ZFYVE9: variants seen among roughly 807,000 people sequenced by gnomAD.
ZFYVE9 encodes the protein zinc finger FYVE domain-containing protein 9.
A neutral mutation model predicts 126.7 loss-of-function variants in ZFYVE9; 43 were observed. That is an observed-to-expected ratio of 0.34 (90% CI 0.27 to 0.44). The LOEUF (loss-of-function observed/expected upper bound fraction) is 0.44. Among genes scored for constraint, ZFYVE9 ranks in the 20% least tolerant of loss-of-function variants. ZFYVE9 has a pLI of 1.00. For missense variants in ZFYVE9, 1,476 were observed against 1,697.0 expected (o/e 0.87, Z 2.29); for synonymous variants, 521 against 597.4 (o/e 0.87, Z 1.87).
intron 1 of ZFYVE9, among the ~76,000 whole-genome samples, chr1:52,205,270 T>C (rs1332741002): frequency 6.6e-6 from 1 of 151,942 alleles, no homozygotes; most frequent in Non-Finnish European, 1.5e-5. Flanking sequence ...CGATAGGGTT[T>C]TGCAAAGTGG....
intron 2 of ZFYVE9, among the ~76,000 whole-genome samples, chr1:52,230,012 C>T (rs1412948773): frequency 6.6e-6 from 1 of 152,024 alleles, no homozygotes; most frequent in East Asian, 1.9e-4. Flanking sequence ...GGACTACAGG[C>T]GCTTGCCACC....
chr1:52,259,436 A>G (rs1557486137), intron 4 of ZFYVE9, among the ~76,000 whole-genome samples: 1 of 152,132 alleles, frequency 6.6e-6, no homozygotes, highest in East Asian at 1.9e-4. Flanking sequence ...GAAAAAACTA[A>G]TCAAAATAAA....
chr1:52,322,217 C>T (rs1646247118), intron 13 of ZFYVE9, among the ~76,000 whole-genome samples: 1 of 152,150 alleles, frequency 6.6e-6, no homozygotes. Flanking sequence ...TCAGGAAATT[C>T]TGCTGCCTCT....
chr1:52,281,511 A>G (rs1397945763), intron 9 of ZFYVE9, 150 bp from the exon 10 acceptor site: 6 of 869,530 alleles, frequency 6.9e-6, no homozygotes, highest in Admixed American at 3.1e-5. Flanking sequence ...TTTTGGCTCA[A>G]TGCAGTGACA....
intron 5 of ZFYVE9, among the ~76,000 whole-genome samples, chr1:52,266,402 C>CT (rs370363700): frequency 4.7e-4 from 22 of 47,234 alleles, no homozygotes; most frequent in South Asian, 1.5e-3. Flanking sequence ...CGGTCTAATT[C>CT]TTTAAAAAAA....
chr1:52,270,458 G>T (rs900953341), intron 7 of ZFYVE9, among the ~76,000 whole-genome samples: 1 of 152,032 alleles, frequency 6.6e-6, no homozygotes, highest in East Asian at 1.9e-4. Flanking sequence ...TAGAGATGGG[G>T]TTTCACGATG....
chr1:52,296,543 T>G (rs1022595413), intron 12 of ZFYVE9, among the ~76,000 whole-genome samples: 2 of 152,070 alleles, frequency 1.3e-5, no homozygotes, highest in Admixed American at 6.6e-5. Flanking sequence ...CGTGCACAGG[T>G]TCTGACTCTG....
Position 52,344,810 on chromosome 1 carries a change from G to A in ZFYVE9, c.3982G>A (p.Asp1328Asn), listed in dbSNP as rs1646469586. 6.2e-7 allele frequency: 1 copy of A among 1,614,158 alleles called. No individual in the cohort carries two copies. The highest frequency in any genetic ancestry group is 8.5e-7 in the Non-Finnish European group (1 of 1,180,022). ...CGATGACCAGCACAATTGCCTCAGT[G>A]ATCCTGCAGATCACAGTAGATTGAC... ...ENDDQHNCLS[D>N]PADHSRLTEH... Residue 1328 changes from aspartate (D) to asparagine (N), a missense_variant, in exon 18 of 19, where the codon GAT (aspartate) becomes AAT (asparagine). Around this residue, in one of 2 missense-constraint regions of ZFYVE9, gnomAD observed 669 missense variants for 902.4 expected, o/e 0.74. Transcript: ENST00000287727.
intron 13 of ZFYVE9, among the ~76,000 whole-genome samples, chr1:52,308,552 A>G (rs957205239): frequency 6.6e-6 from 1 of 151,656 alleles, no homozygotes; most frequent in Non-Finnish European, 1.5e-5. Flanking sequence ...TTCCATTTAT[A>G]CTCATAGTCT....
intron 1 of ZFYVE9, among the ~76,000 whole-genome samples, chr1:52,179,348 T>C (rs1644673744): frequency 6.6e-6 from 1 of 152,156 alleles, no homozygotes; most frequent in South Asian, 2.1e-4. Flanking sequence ...AAAAGTCACA[T>C]TTAAGGCCGG....
In ZFYVE9 at chr1:52,268,516, A is replaced by G. The variant is rs1297290792; in HGVS notation, c.2509A>G (p.Asn837Asp). Residue 837 changes from asparagine (N) to aspartate (D), a missense_variant, in exon 7 of 19, where the codon AAT becomes GAT. Physicochemically the swap from Asn to Asp is conservative, Grantham distance 23 (BLOSUM62 1). Transcript: ENST00000287727. ...TTGGTTTGCTGATGGGATCTTGCCC[A>G]ATGGAGAAGTTGCTGATGCAGCCAA... Reference protein sequence around the residue: ...RVWFADGILPNGEVADAAKLT... With the variant: ...RVWFADGILPDGEVADAAKLT... 2 of 1,614,036 alleles carry G rather than the reference A, an allele frequency of 1.2e-6. No individual in the cohort carries two copies. Among genetic ancestry groups the G allele is most frequent in the Non-Finnish European group, 1.7e-6 (2 of 1,180,012 alleles).
In ZFYVE9 at chr1:52,233,339, G is replaced by A. The variant is rs370089754; in HGVS notation, c.70+63G>A. 40 of 1,190,632 alleles carry A rather than the reference G, an allele frequency of 3.4e-5. No homozygotes were observed. In the Admixed American group the frequency reaches 3.7e-4, roughly 11 times the overall value. 73.8% of individuals were successfully genotyped at this position (1,190,632 alleles called of 1,614,324 possible). A position where few individuals can be genotyped will look rare whatever the true frequency, so the allele number is the denominator to read the frequency against. ...GTATAGAGAATGTGGGGATATAAGA[G>A]GATGTAGTATTTAAAAAAATAAAAT... On this transcript the variant is annotated intron_variant, in intron 3 of 18. Transcript: ENST00000287727.
In ZFYVE9 at chr1:52,278,495, A is replaced by G. The variant is rs1245344956; in HGVS notation, c.2750A>G (p.Tyr917Cys). Residue 917 changes from tyrosine to cysteine, a missense_variant, in exon 9 of 19, where the codon TAT becomes TGT. Physicochemically the swap from Tyr to Cys is radical, Grantham distance 194. This residue lies in a region of ZFYVE9 where 669 missense variants were observed against 902.4 expected (regional missense o/e 0.74). Transcript: ENST00000287727. ...ACATTGTTTTCTCCCCTTTCAGACT[A>G]TGCTGTGGAAGAGAAACCATCACAG... ...ILISTGVKGDYAVEEKPSQIS... is the reference protein window; with the variant it reads ...ILISTGVKGDCAVEEKPSQIS... 8.7e-6 allele frequency: 14 copies of G among 1,614,062 alleles called. No homozygotes were observed. The highest frequency in any genetic ancestry group is 1.2e-5 in the Non-Finnish European group (14 of 1,179,988).
chr1:52,293,644 C>T lies in ZFYVE9; in HGVS notation c.3217C>T (p.Arg1073Cys), dbSNP rs2147830755. 3.7e-6 allele frequency: 6 copies of T among 1,613,996 alleles called. No individual in the cohort carries two copies. The highest frequency in any genetic ancestry group is 5.1e-6 in the Non-Finnish European group (6 of 1,179,982). ...ETPWAKVFPI[R>C]LMLRLGAEYR... ...TCCTTGGGCTAAAGTATTTCCTATC[C>T]GTCTGATGTTGAGACTTGGAGCTGA... Residue 1073 changes from arginine (R) to cysteine (C), a missense_variant, in exon 11 of 19, where the codon CGT becomes TGT. Arg to Cys is a radical substitution (Grantham distance 180). This residue lies in a region of ZFYVE9 where 669 missense variants were observed against 902.4 expected (regional missense o/e 0.74). Transcript: ENST00000287727.
chr1:52,270,516 G>C (rs1024372276), intron 7 of ZFYVE9, among the ~76,000 whole-genome samples: 5 of 152,046 alleles, frequency 3.3e-5, no homozygotes, highest in African/African-American at 1.2e-4. Flanking sequence ...TGCCCTCCTT[G>C]GCCTCCCAAA....
At chr1:52,266,590 T>C in intron 5 of ZFYVE9, 65 bp from the exon 6 acceptor site, 1 of 1,372,404 alleles carries the variant, frequency 7.3e-7, no homozygotes, top group Non-Finnish European at 9.8e-7. Flanking sequence ...TATCCAATAT[T>C]GTGGAGGTCT....
At chr1:52,258,339 A>G (rs1219818464) in intron 4 of ZFYVE9, among the ~76,000 whole-genome samples, 1 of 141,206 alleles carries the variant, frequency 7.1e-6, no homozygotes, top group Non-Finnish European at 1.6e-5. Flanking sequence ...CTAAGCCTGT[A>G]GCTTAGAGAA....
chr1:52,274,163 C>A lies in ZFYVE9; in HGVS notation c.2626-301C>A, dbSNP rs572818481. Among the ~76,000 whole-genome samples the A allele has an allele frequency of 1.5e-4, 23 of 152,142 alleles. 1 individual carries two copies. The highest frequency in any genetic ancestry group is 1.4e-3 in the Admixed American group (21 of 15,288). Reference sequence around the variant, plus strand: ...TACAGTTTTTTAAAAATATTTTTCTCTTATGGCAAAAGAAACCTGGGTAAA... The same window carrying A: ...TACAGTTTTTTAAAAATATTTTTCTATTATGGCAAAAGAAACCTGGGTAAA... On this transcript the variant is annotated intron_variant, in intron 7 of 18. Transcript: ENST00000287727.
chr1:52,324,319 T>C (rs1320075047), intron 13 of ZFYVE9, among the ~76,000 whole-genome samples: 2 of 152,136 alleles, frequency 1.3e-5, no homozygotes, highest in Admixed American at 6.6e-5. Flanking sequence ...TGAAGACTCA[T>C]AGTTGTCAAT....
Sources: allele counts gnomAD v4.1 joint callset (sites outside exome capture counted in the v4.1 genomes callset), GRCh38; gene constraint gnomAD v4.1.1; regional missense constraint gnomAD v4.1.1; transcripts MANE v1.5; gene names NCBI Gene and HGNC (gene_info 2026-07-23, HGNC 2026-07-21).